The following FSIP2 variants were observed in gnomAD, a reference collection of about 807,000 sequenced individuals.
FSIP2 encodes the protein fibrous sheath interacting protein 2, also known as fibrous sheath-interacting protein 2.
Under a neutral mutation model 510.5 loss-of-function variants are expected in FSIP2, and 367 were observed. The observed-to-expected ratio is 0.72, with a 90% CI of 0.66 to 0.78. The LOEUF (loss-of-function observed/expected upper bound fraction) is 0.78. FSIP2 is among the 30% of genes least tolerant of loss of function. The pLI, the probability that FSIP2 is intolerant of heterozygous loss-of-function variation, is 0.00. For missense variants in FSIP2, 7,594 were observed against 7,901.7 expected, an observed-to-expected ratio of 0.96 and a Z score of 1.48; for synonymous variants, 2,601 against 2,732.2, an observed-to-expected ratio of 0.95 and a Z score of 1.50.
chr2:185,764,456 A>C, intron 12 of FSIP2, 46 bp from the exon 13 acceptor site: 1 of 1,254,062 alleles, frequency 8.0e-7, no homozygotes. Context: ...GAGTCCTAAA[A>C]TTTTTTTTTG....
At chr2:185,830,578 A>G (rs1694090657) in intron 21 of FSIP2, among the ~76,000 whole-genome samples, 1 of 151,932 alleles carries the variant, frequency 6.6e-6, no homozygotes, top group African/African-American at 2.4e-5. Context: ...TTTCTAGATT[A>G]CTTATCATAA....
In FSIP2 at chr2:185,800,463, T is replaced by A; in HGVS notation, c.11157T>A (p.Ser3719=). 6.5e-7 allele frequency: 1 copy of A among 1,532,718 alleles called. No individual in the cohort carries two copies. Among genetic ancestry groups the A allele is most frequent in the Non-Finnish European group, 8.7e-7 (1 of 1,145,010 alleles). The allele number at this position is 1,532,718 out of a possible 1,614,324, so 94.9% of individuals were successfully genotyped here. ...AATGCCTAGATACGGGTATGGATTC[T>A]GGTAAAATACAAAGAACATATTTCT... is the stretch of plus-strand genomic sequence containing the variant. The part of the protein sequence containing the change: ...PDECLDTGMD[S]GKIQRTYFYS... Residue 3719 remains serine (S), a synonymous_variant, in exon 17 of 23, where the codon TCT becomes TCA. Coordinates refer to ENST00000424728, the MANE Select transcript of FSIP2 (RefSeq NM_173651.4).
chr2:185,790,070 A>T lies in FSIP2; in HGVS notation c.2934A>T (p.Arg978Ser). 6.5e-7 allele frequency: 1 copy of T among 1,533,754 alleles called. No individual in the cohort carries two copies. The highest frequency in any genetic ancestry group is 8.7e-7 in the Non-Finnish European group (1 of 1,145,406). The stretch of plus-strand genomic sequence containing the variant: ...AAAAGTACAGACTCACTGGCACTAG[A>T]TTATCAAATAGTCCTAGGTCTGGAA... Reference protein sequence around the residue: ...TKEKYRLTGTRLSNSPRSGRP... With the variant: ...TKEKYRLTGTSLSNSPRSGRP... The change falls in exon 16 of 23, where the codon AGA (arginine) becomes AGT (serine). Residue 978 changes from arginine (R) to serine (S), a missense_variant. Physicochemically the swap from Arg to Ser is moderately radical, Grantham distance 110. Coordinates refer to ENST00000424728, the MANE Select transcript of FSIP2 (RefSeq NM_173651.4).
At chr2:185,772,811 C>CTCCCT (rs1046691318) in intron 13 of FSIP2, among the ~76,000 whole-genome samples, 7 of 150,914 alleles carry the variant, frequency 4.6e-5, no homozygotes, top group Non-Finnish European at 8.9e-5. Flanking sequence ...TTTTCCTCCC[C>CTCCCT]TCCCCTCCTC....
At position 185,761,027 on chromosome 2, in the gene FSIP2, C is replaced by T; in HGVS notation, c.1118C>T (p.Ser373Leu). ...GCTGCTCATCAGCGTCAAAATAGTT[C>T]AAATAATTTTACGAAAAAAAACTCA... ...ANAAHQRQNS[S>L]NNFTKKNSAS... Residue 373 changes from serine to leucine, a missense_variant, in exon 10 of 23, where the codon TCA (serine) becomes TTA (leucine). Transcript: ENST00000424728. 6.7e-7 allele frequency: 1 copy of T among 1,502,876 alleles called. No homozygotes were observed. The highest frequency in any genetic ancestry group is 8.9e-7 in the Non-Finnish European group (1 of 1,123,466). 93.1% of individuals were successfully genotyped at this position (1,502,876 alleles called of 1,614,324 possible).
At position 185,803,488 on chromosome 2, in the gene FSIP2, G is replaced by A; in HGVS notation, c.14182G>A (p.Ala4728Thr). Residue 4728 changes from alanine to threonine, a missense_variant, in exon 17 of 23, where the codon GCA becomes ACA. Physicochemically the swap from Ala to Thr is moderately conservative, Grantham distance 58. Coordinates refer to ENST00000424728, the MANE Select transcript of FSIP2 (RefSeq NM_173651.4). Reference protein sequence around the residue: ...DFLNDTKTLAARITNIILAEI... With the variant: ...DFLNDTKTLATRITNIILAEI... ...TCTAAATGACACAAAGACATTGGCT[G>A]CAAGAATAACTAATATCATCCTGGC... The A allele has an allele frequency of 6.5e-7, 1 of 1,530,578 alleles. No individual in the cohort carries two copies. The highest frequency in any genetic ancestry group is 8.7e-7 in the Non-Finnish European group (1 of 1,144,080). 94.8% of individuals were successfully genotyped at this position (1,530,578 alleles called of 1,614,324 possible).
chr2:185,746,592 G>A lies in FSIP2; in HGVS notation c.618-77G>A, dbSNP rs559795111. 2.0e-5 allele frequency: 22 copies of A among 1,109,244 alleles called. No homozygotes were observed. The African/African-American group carries it at 2.4e-4, about 12-fold the overall frequency. 68.7% of individuals were successfully genotyped at this position (1,109,244 alleles called of 1,614,324 possible). A position where few individuals can be genotyped will look rare whatever the true frequency, so the allele number is the denominator to read the frequency against. On this transcript the variant is annotated intron_variant, in intron 5 of 22. Transcript: ENST00000424728. ...TGAAAGGCAAGCAAGGAAGTGGTTT[G>A]GGAATGGCATAGCAGATGATGCCAT...
rs1354484605 is a variant in FSIP2 at position 185,800,153 on chromosome 2, C to T, written c.10847C>T (p.Ser3616Phe). ...DLLVGVIHVLSKEIEVDYHFE... is the reference protein window; with the variant it reads ...DLLVGVIHVLFKEIEVDYHFE... ...TTAGTAGGAGTGATTCATGTACTGT[C>T]CAAAGAAATAGAAGTAGATTATCAC... Residue 3616 changes from serine (S) to phenylalanine (F), a missense_variant, in exon 17 of 23, where the codon TCC becomes TTC. By Grantham distance (155) the Ser-to-Phe change is radical. Coordinates refer to ENST00000424728, the MANE Select transcript of FSIP2 (RefSeq NM_173651.4). 4.0e-5 allele frequency: 61 copies of T among 1,533,188 alleles called. No homozygotes were observed. Among genetic ancestry groups the T allele is most frequent in the Non-Finnish European group, 5.0e-5 (57 of 1,145,404 alleles). 95.0% of individuals were successfully genotyped at this position (1,533,188 alleles called of 1,614,324 possible). A position where few individuals can be genotyped will look rare whatever the true frequency, so the allele number is the denominator to read the frequency against.
Position 185,805,589 on chromosome 2 carries a change from C to T in FSIP2, c.16283C>T (p.Thr5428Ile). Residue 5428 changes from threonine to isoleucine, a missense_variant, in exon 17 of 23, where the codon ACA (threonine) becomes ATA (isoleucine). Transcript: ENST00000424728. ...CAACACCTACCACAAAACACCTTTA[C>T]ACAAATAAGCAGATGTGCAAAAGAG... ...RVQHLPQNTF[T>I]QISRCAKENQ... The T allele has an allele frequency of 1.2e-6, 2 of 1,609,238 alleles. No homozygotes were observed. Among genetic ancestry groups the T allele is most frequent in the Non-Finnish European group, 1.7e-6 (2 of 1,177,874 alleles).
rs973062994 is a variant in FSIP2 at position 185,807,765 on chromosome 2, C to G, written c.18459C>G (p.Ile6153Met). Residue 6153 changes from isoleucine to methionine, a missense_variant, in exon 17 of 23, where the codon ATC becomes ATG. Ile to Met is a conservative substitution (Grantham distance 10). Coordinates refer to ENST00000424728, the MANE Select transcript of FSIP2 (RefSeq NM_173651.4). Reference protein sequence around the residue: ...CVEVENIVEKILKDVFQTTDV... With the variant: ...CVEVENIVEKMLKDVFQTTDV... Reference sequence around the variant, plus strand: ...AAGTTGAAAACATCGTTGAAAAGATCCTTAAAGATGTTTTCCAAACTACTG... The same window carrying G: ...AAGTTGAAAACATCGTTGAAAAGATGCTTAAAGATGTTTTCCAAACTACTG... The G allele has an allele frequency of 6.8e-6, 11 of 1,612,064 alleles. No individual in the cohort carries two copies. Among genetic ancestry groups the G allele is most frequent in the Admixed American group, 1.7e-5 (1 of 59,766 alleles).
rs376079658 is a variant in FSIP2 at position 185,824,574 on chromosome 2, T to C, written c.20473+94T>C. The C allele has an allele frequency of 1.7e-4, 130 of 756,458 alleles. 2 individuals are homozygous for C. In the East Asian group the frequency reaches 3.1e-3, roughly 18 times the overall value. The allele number at this position is 756,458 out of a possible 1,614,324, so 46.9% of individuals were successfully genotyped here. The stretch of plus-strand genomic sequence containing the variant: ...AAACTTGAAGTTAATACAGGTTTTA[T>C]GTTTTCTATGAGTTTATCTACTTTT... On this transcript the variant is annotated intron_variant, in intron 20 of 22. Coordinates refer to ENST00000424728, the MANE Select transcript of FSIP2 (RefSeq NM_173651.4).
chr2:185,746,540 A>G (rs1692037515), intron 5 of FSIP2, 129 bp from the exon 6 acceptor site: 1 of 673,778 alleles, frequency 1.5e-6, no homozygotes, highest in African/African-American at 1.8e-5. Context: ...TGACAGAAAA[A>G]CAGTAAAATT....
chr2:185,796,337 C>A lies in FSIP2; in HGVS notation c.9201C>A (p.Ile3067=), dbSNP rs765060030. The A allele has an allele frequency of 1.6e-5, 24 of 1,533,534 alleles. No individual in the cohort carries two copies. Among genetic ancestry groups the A allele is most frequent in the Admixed American group, 3.9e-5 (2 of 50,882 alleles). The allele number at this position is 1,533,534 out of a possible 1,614,324, so 95.0% of individuals were successfully genotyped here. A position where few individuals can be genotyped will look rare whatever the true frequency, so the allele number is the denominator to read the frequency against. Residue 3067 remains isoleucine, a synonymous_variant, in exon 16 of 23, where the codon ATC becomes ATA. Transcript: ENST00000424728. The stretch of plus-strand genomic sequence containing the variant: ...ATTTCAAGGAAAACATACAGAATAT[C>A]CTTCTACGGGTTCATTCATTCCATT... ...TINFKENIQN[I]LLRVHSFHSQ...
intron 17 of FSIP2, among the ~76,000 whole-genome samples, chr2:185,810,669 C>T (rs1234458333): frequency 6.6e-6 from 1 of 150,904 alleles, no homozygotes; most frequent in Non-Finnish European, 1.5e-5. Context: ...TACGGAAGCA[C>T]CTTTGGAACT....
chr2:185,779,903 G>A (rs934559723), intron 13 of FSIP2, among the ~76,000 whole-genome samples: 47 of 150,912 alleles, frequency 3.1e-4, no homozygotes, highest in Non-Finnish European at 5.5e-4. Context: ...TATGTCCAAG[G>A]GTATGAGTAA....
intron 5 of FSIP2, among the ~76,000 whole-genome samples, chr2:185,746,022 A>G (rs1265857963): frequency 6.6e-6 from 1 of 152,146 alleles, no homozygotes; most frequent in Non-Finnish European, 1.5e-5. Context: ...GTCATATTCA[A>G]TCATGGCCAT....
intron 6 of FSIP2, 78 bp downstream of exon 6, chr2:185,746,888 A>C (rs190372475): frequency 9.7e-7 from 1 of 1,025,884 alleles, no homozygotes; most frequent in Non-Finnish European, 1.4e-6. Context: ...TTAACTGTAC[A>C]TTGTGCTGCT....
Position 185,800,464 on chromosome 2 carries a change from G to A in FSIP2, c.11158G>A (p.Gly3720Ser). 1 of 1,532,514 alleles carries A rather than the reference G, an allele frequency of 6.5e-7. No individual in the cohort carries two copies. The highest frequency in any genetic ancestry group is 8.7e-7 in the Non-Finnish European group (1 of 1,144,910). The allele number at this position is 1,532,514 out of a possible 1,614,324, so 94.9% of individuals were successfully genotyped here. The change falls in exon 17 of 23, where the codon GGT becomes AGT. Residue 3720 changes from glycine (G) to serine (S), a missense_variant. Physicochemically the swap from Gly to Ser is moderately conservative, Grantham distance 56. Coordinates refer to ENST00000424728, the MANE Select transcript of FSIP2 (RefSeq NM_173651.4). ...ATGCCTAGATACGGGTATGGATTCT[G>A]GTAAAATACAAAGAACATATTTCTA... ...DECLDTGMDS[G>S]KIQRTYFYSS...
Position 185,795,841 on chromosome 2 carries a change from C to T in FSIP2, c.8705C>T (p.Ala2902Val), listed in dbSNP as rs927982058. The T allele has an allele frequency of 1.3e-6, 2 of 1,532,508 alleles. No individual in the cohort carries two copies. The highest frequency in any genetic ancestry group is 1.2e-5 in the South Asian group (1 of 83,308). 94.9% of individuals were successfully genotyped at this position (1,532,508 alleles called of 1,614,324 possible). Residue 2902 changes from alanine (A) to valine (V), a missense_variant, in exon 16 of 23, where the codon GCT becomes GTT. Ala to Val is a moderately conservative substitution (Grantham distance 64). Coordinates refer to ENST00000424728, the MANE Select transcript of FSIP2 (RefSeq NM_173651.4). The part of the protein sequence containing the change: ...ESRFYNHFKG[A>V]STRAEDTKAQ... Reference sequence around the variant, plus strand: ...AGGTTTTATAATCATTTTAAAGGAGCTTCTACTAGAGCCGAGGATACTAAA... The same window carrying T: ...AGGTTTTATAATCATTTTAAAGGAGTTTCTACTAGAGCCGAGGATACTAAA...
Sources: allele counts gnomAD v4.1 joint callset (sites outside exome capture counted in the v4.1 genomes callset), GRCh38; gene constraint gnomAD v4.1.1; transcripts MANE v1.5; gene names NCBI Gene and HGNC (gene_info 2026-07-23, HGNC 2026-07-21).